Variants in LARGE1 observed in about 807,000 individuals in gnomAD.
LARGE1 encodes the protein LARGE xylosyl- and glucuronyltransferase 1.
Under a neutral mutation model 87.6 loss-of-function variants are expected in LARGE1, and 43 were observed. That is an observed-to-expected ratio of 0.49 (90% CI 0.38 to 0.63). The LOEUF is 0.63. LARGE1 is among the 30% of genes least tolerant of loss of function. LARGE1 has a pLI of 0.00. For synonymous variants in LARGE1, 434 were observed against 394.6 expected, an observed-to-expected ratio of 1.10 and a Z score of -1.18; for missense variants, 802 against 1,000.2, an observed-to-expected ratio of 0.80 and a Z score of 2.67.
chr22:33,340,570 G>A (rs541764922), intron 9 of LARGE1, among the ~76,000 whole-genome samples: 2 of 151,980 alleles, frequency 1.3e-5, no homozygotes, highest in South Asian at 2.1e-4. Context: ...CCAGTGCAAC[G>A]GCATGAATAC....
At chr22:33,332,520 T>C (rs1447379407) in intron 10 of LARGE1, among the ~76,000 whole-genome samples, 2 of 152,204 alleles carry the variant, frequency 1.3e-5, no homozygotes, top group Non-Finnish European at 2.9e-5. Context: ...ACTTAGACAC[T>C]GCCATCAGAG....
chr22:33,745,847 T>C (rs1176497315), intron 2 of LARGE1, among the ~76,000 whole-genome samples: 1 of 152,082 alleles, frequency 6.6e-6, no homozygotes, highest in African/African-American at 2.4e-5. Context: ...CTAGGATCTG[T>C]GAGGCATTAT....
chr22:33,295,149 G>GT (rs1318428123), intron 12 of LARGE1, among the ~76,000 whole-genome samples: 3 of 152,184 alleles, frequency 2.0e-5, no homozygotes, highest in African/African-American at 7.2e-5. Flanking sequence ...GTGGATGCTC[G>GT]TAAGAAGTGG....
chr22:33,512,070 T>C (rs186916365), intron 6 of LARGE1, among the ~76,000 whole-genome samples: 16 of 152,340 alleles, frequency 1.1e-4, no homozygotes, highest in Admixed American at 9.8e-4. Context: ...AGAACTTCAT[T>C]ATGAGCTAAA....
chr22:33,884,563 C>T (rs370602737), intron 1 of LARGE1, among the ~76,000 whole-genome samples: 68 of 152,290 alleles, frequency 4.5e-4, no homozygotes, highest in Admixed American at 5.2e-4. Flanking sequence ...TGTGGGAGAC[C>T]GGGCAAGACC....
intron 12 of LARGE1, among the ~76,000 whole-genome samples, chr22:33,289,194 G>A (rs1006806863): frequency 6.6e-6 from 1 of 152,048 alleles, no homozygotes; most frequent in African/African-American, 2.4e-5. Flanking sequence ...TCCTGACCTC[G>A]TGATCTGCCT....
At chr22:33,091,054 C>A in the LARGE1 span, among the ~76,000 whole-genome samples, 3 of 152,284 alleles carry the variant, frequency 2.0e-5, no homozygotes, top group East Asian at 5.8e-4. Flanking sequence ...ATCTCTCTTC[C>A]TCATGACAGC....
At chr22:33,885,723 T>C (rs1649784565) in intron 1 of LARGE1, among the ~76,000 whole-genome samples, 1 of 152,080 alleles carries the variant, frequency 6.6e-6, no homozygotes, top group African/African-American at 2.4e-5. Context: ...GAGCCCAAGT[T>C]TCTCATAAAA....
At chr22:33,389,934 G>T (rs920285065) in intron 7 of LARGE1, among the ~76,000 whole-genome samples, 4 of 152,094 alleles carry the variant, frequency 2.6e-5, no homozygotes, top group Admixed American at 2.6e-4. Context: ...CATTTATCCT[G>T]CCATTTCACA....
the LARGE1 span, among the ~76,000 whole-genome samples, chr22:33,120,358 T>C: frequency 3.8e-3 from 456 of 118,770 alleles, 3 homozygotes; most frequent in African/African-American, 0.015. Context: ...TTTTCTTTCT[T>C]TTTCTTTCTT....
At chr22:33,359,322 A>G (rs1391632191) in intron 9 of LARGE1, among the ~76,000 whole-genome samples, 1 of 152,168 alleles carries the variant, frequency 6.6e-6, no homozygotes. Flanking sequence ...AAAGTGACTT[A>G]ACCTGTGTGA....
At chr22:33,792,163 T>C (rs1031862206) in intron 1 of LARGE1, among the ~76,000 whole-genome samples, 2 of 152,226 alleles carry the variant, frequency 1.3e-5, no homozygotes, top group African/African-American at 2.4e-5. Flanking sequence ...GGAGGTGATA[T>C]GCTTTGGCTG....
At chr22:33,611,461 G>C (rs2079428138) in intron 4 of LARGE1, among the ~76,000 whole-genome samples, 1 of 152,258 alleles carries the variant, frequency 6.6e-6, no homozygotes, top group East Asian at 1.9e-4. Flanking sequence ...CTTGTGTGGG[G>C]GCCTGTAGCA....
At chr22:33,309,509 C>T (rs923178355) in intron 11 of LARGE1, among the ~76,000 whole-genome samples, 1 of 152,130 alleles carries the variant, frequency 6.6e-6, no homozygotes, top group Non-Finnish European at 1.5e-5. Context: ...CTGGCTCCTT[C>T]CACCACGTGA....
At chr22:33,768,277 G>A (rs896054344) in intron 1 of LARGE1, among the ~76,000 whole-genome samples, 6 of 152,112 alleles carry the variant, frequency 3.9e-5, no homozygotes, top group Admixed American at 2.6e-4. Flanking sequence ...CCGCCTGGGC[G>A]ACAGAGCGAG....
chr22:33,872,651 C>T (rs2064331173), intron 1 of LARGE1, among the ~76,000 whole-genome samples: 1 of 151,830 alleles, frequency 6.6e-6, no homozygotes, highest in African/African-American at 2.4e-5. Flanking sequence ...GGGAGCTGGT[C>T]TTATGGAGCA....
chr22:33,873,542 CT>C, intron 1 of LARGE1: 1 of 152,234 alleles, frequency 6.6e-6, no homozygotes, highest in East Asian at 1.9e-4. Context: ...ACTCAGCGTG[CT>C]CGTCTGCCTG....
At chr22:33,860,614 T>C (rs758326120) in intron 1 of LARGE1, among the ~76,000 whole-genome samples, 1 of 152,122 alleles carries the variant, frequency 6.6e-6, no homozygotes, top group African/African-American at 2.4e-5. Context: ...CGTCCTGAGC[T>C]GTGAAGGTGG....
intron 6 of LARGE1, among the ~76,000 whole-genome samples, chr22:33,439,737 T>C (rs1022632253): frequency 6.6e-6 from 1 of 152,188 alleles, no homozygotes; most frequent in Non-Finnish European, 1.5e-5. Flanking sequence ...CTTAGGTGAT[T>C]TGGCTGTTCC....
Sources: allele counts gnomAD v4.1 joint callset (sites outside exome capture counted in the v4.1 genomes callset), GRCh38; gene constraint gnomAD v4.1.1; transcripts MANE v1.5; gene names NCBI Gene and HGNC (gene_info 2026-07-23, HGNC 2026-07-21).